Variants in KLRD1 observed in about 807,000 individuals in gnomAD.
KLRD1 encodes the protein killer cell lectin like receptor D1.
In KLRD1, 21 loss-of-function variants were observed where a neutral mutation model predicts 22.6. That is an observed-to-expected ratio of 0.93 (90% CI 0.66 to 1.34). The LOEUF is 1.34. KLRD1 is among the 40% of genes most tolerant of loss of function. The pLI, the probability that KLRD1 is intolerant of heterozygous loss-of-function variation, is 0.00. For missense variants in KLRD1, 183 were observed against 208.6 expected (o/e 0.88, Z 0.76); for synonymous variants, 59 against 71.1 (o/e 0.83, Z 0.85).
At chr12:10,281,758 T>C (rs573466225) in intron 1 of KLRD1, among the ~76,000 whole-genome samples, 26 of 152,224 alleles carry the variant, frequency 1.7e-4, no homozygotes, top group Non-Finnish European at 3.4e-4. Context: ...ATTCCTGAAA[T>C]GACACATTCC....
chr12:10,240,641 C>T (rs1949232815), intron 1 of KLRD1, among the ~76,000 whole-genome samples: 1 of 151,728 alleles, frequency 6.6e-6, no homozygotes, highest in African/African-American at 2.4e-5. Flanking sequence ...GTGTATCTCC[C>T]ATGAGTGAGT....
intron 4 of KLRD1, 62 bp downstream of exon 4, chr12:10,311,677 A>T: frequency 6.6e-7 from 1 of 1,521,720 alleles, no homozygotes; most frequent in South Asian, 1.2e-5. Context: ...TATCTAAACA[A>T]GTTAAATACT....
intron 1 of KLRD1, among the ~76,000 whole-genome samples, chr12:10,239,533 T>TTTCTC (rs1949219988): frequency 1.1e-4 from 1 of 9,506 alleles, no homozygotes; most frequent in Non-Finnish European, 2.0e-4. Context: ...CTTTCTTTCT[T>TTTCTC]TCTTTCTTTC....
At chr12:10,243,636 G>GAAAAAAAAAAAAAAAAA (rs1949263487) in intron 1 of KLRD1, among the ~76,000 whole-genome samples, 1 of 124,430 alleles carries the variant, frequency 8.0e-6, no homozygotes, top group South Asian at 2.6e-4. Flanking sequence ...AAAAAAAACC[G>GAAAAAAAAAAAAAAAAA]AAATGAAAGA....
intron 1 of KLRD1, among the ~76,000 whole-genome samples, chr12:10,268,797 G>C (rs951809446): frequency 2.6e-5 from 4 of 151,984 alleles, no homozygotes; most frequent in Non-Finnish European, 5.9e-5. Flanking sequence ...TTTGCTGAAG[G>C]CTCTTATAAA....
At chr12:10,302,284 A>G (rs1399500473), upstream of KLRD1, among the ~76,000 whole-genome samples, 1 of 152,234 alleles carries the variant, frequency 6.6e-6, no homozygotes, top group East Asian at 1.9e-4. Context: ...GCAATAAAAC[A>G]AGGTATGACT....
At chr12:10,305,338 C>T (rs529646463), upstream of KLRD1, among the ~76,000 whole-genome samples, 4 of 152,074 alleles carry the variant, frequency 2.6e-5, no homozygotes, top group East Asian at 7.7e-4. Flanking sequence ...GATATTTCAG[C>T]GGAATTTAGT....
At chr12:10,266,784 CTTT>C (rs1949503312) in intron 1 of KLRD1, among the ~76,000 whole-genome samples, 1 of 149,302 alleles carries the variant, frequency 6.7e-6, no homozygotes, top group African/African-American at 2.5e-5. Flanking sequence ...TTGCATATGA[CTTT>C]ATTATTAGGT....
At chr12:10,264,315 A>G (rs1349461773) in intron 1 of KLRD1, among the ~76,000 whole-genome samples, 1 of 152,118 alleles carries the variant, frequency 6.6e-6, no homozygotes, top group East Asian at 1.9e-4. Context: ...AAGTTTGATA[A>G]TAGTAAAACA....
upstream of KLRD1, among the ~76,000 whole-genome samples, chr12:10,307,228 T>G (rs1398328922): frequency 6.6e-6 from 1 of 152,030 alleles, no homozygotes; most frequent in Non-Finnish European, 1.5e-5. Context: ...TTAGTAAAAA[T>G]AAGGAAAATA....
intron 4 of KLRD1, among the ~76,000 whole-genome samples, chr12:10,312,911 T>G (rs771305165): frequency 6.6e-6 from 1 of 150,956 alleles, no homozygotes; most frequent in African/African-American, 2.4e-5. Context: ...GGCGTGAACC[T>G]GGGAGGCAGA....
intron 1 of KLRD1, among the ~76,000 whole-genome samples, chr12:10,290,105 A>G (rs1346542362): frequency 6.6e-6 from 1 of 152,210 alleles, no homozygotes; most frequent in Non-Finnish European, 1.5e-5. Flanking sequence ...TAAAATTGAA[A>G]CTGTAAAATG....
chr12:10,290,476 T>G (rs150115250), intron 1 of KLRD1, among the ~76,000 whole-genome samples: 1 of 152,302 alleles, frequency 6.6e-6, no homozygotes, highest in Non-Finnish European at 1.5e-5. Flanking sequence ...TTAAAATGAT[T>G]TCATATTGCT....
intron 1 of KLRD1, chr12:10,308,940 G>C (rs1949988423): frequency 6.5e-6 from 1 of 154,774 alleles, no homozygotes; most frequent in African/African-American, 2.4e-5. Context: ...TTGATACCTT[G>C]AGAAAATAAC....
At chr12:10,258,081 G>A (rs906444753) in intron 1 of KLRD1, among the ~76,000 whole-genome samples, 2 of 151,998 alleles carry the variant, frequency 1.3e-5, no homozygotes, top group Non-Finnish European at 2.9e-5. Flanking sequence ...CTGAGTATTT[G>A]TATAATTGTA....
upstream of KLRD1, among the ~76,000 whole-genome samples, chr12:10,303,413 T>C (rs1949883522): frequency 6.6e-6 from 1 of 152,042 alleles, no homozygotes. Context: ...AAGAGGGACA[T>C]GTTGTGGGAG....
rs1469509849 is a variant in KLRD1 at position 10,322,073 on chromosome 12, G to A, written c.*7280G>A. ...ACATTTATTTATTTATTGAGATGGAGTCTCACTCTGTCACCCAGGCTGGAG... is the reference window on the plus strand; with the variant it reads ...ACATTTATTTATTTATTGAGATGGAATCTCACTCTGTCACCCAGGCTGGAG... On this transcript the variant is annotated 3_prime_UTR_variant, in exon 6 of 6. Transcript: ENST00000336164. The A allele has an allele frequency of 6.6e-6, 1 of 152,292 alleles. No homozygotes were observed. Among genetic ancestry groups the A allele is most frequent in the Non-Finnish European group, 1.5e-5 (1 of 68,140 alleles). 9.4% of individuals were successfully genotyped at this position (152,292 alleles called of 1,614,324 possible). A position where few individuals can be genotyped will look rare whatever the true frequency, so the allele number is the denominator to read the frequency against.
In KLRD1 at chr12:10,324,501, G is replaced by A. The variant is rs891288082; in HGVS notation, c.*9708G>A. The A allele has an allele frequency of 3.3e-5, 5 of 151,576 alleles. No homozygotes were observed. Among genetic ancestry groups the A allele is most frequent in the African/African-American group, 9.7e-5 (4 of 41,284 alleles). 9.4% of individuals were successfully genotyped at this position (151,576 alleles called of 1,614,324 possible). ...GAGAATATGTGGTTTTTGGTTTTCT[G>A]TTCTTCCATTGATTTGCTTAGGATA... On this transcript the variant is annotated 3_prime_UTR_variant, in exon 6 of 6. Coordinates refer to ENST00000336164, the MANE Select transcript of KLRD1 (RefSeq NM_002262.5).
chr12:10,274,163 C>G (rs1034303563), intron 1 of KLRD1, among the ~76,000 whole-genome samples: 7 of 151,992 alleles, frequency 4.6e-5, no homozygotes, highest in Admixed American at 3.9e-4. Context: ...GCCTTTAATC[C>G]CAGCTACTCA....
Sources: allele counts gnomAD v4.1 joint callset (sites outside exome capture counted in the v4.1 genomes callset), GRCh38; gene constraint gnomAD v4.1.1; transcripts MANE v1.5; gene names NCBI Gene and HGNC (gene_info 2026-07-23, HGNC 2026-07-21).